PLAUR: variants seen among roughly 807,000 people sequenced by gnomAD.
The protein encoded by PLAUR is plasminogen activator, urokinase receptor, also known as urokinase plasminogen activator surface receptor.
In PLAUR, 22 loss-of-function variants were observed where a neutral mutation model predicts 33.4. The observed-to-expected ratio is 0.66, with a 90% CI of 0.47 to 0.94. The LOEUF is 0.94. Among genes scored for constraint, PLAUR ranks in the 40% least tolerant of loss-of-function variants. The probability of loss-of-function intolerance (pLI) is 0.00; values close to 1 mark genes in which losing one functional copy is unlikely to be tolerated. For missense variants in PLAUR, 408 were observed against 434.7 expected (o/e 0.94, Z 0.55); for synonymous variants, 148 against 167.3 (o/e 0.88, Z 0.89).
chr19:43,665,486 C>T (rs1355153305), intron 2 of PLAUR, 27 bp from the exon 3 acceptor site: 3 of 1,611,160 alleles, frequency 1.9e-6, no homozygotes, highest in African/African-American at 1.3e-5. Flanking sequence ...TTCATTACCC[C>T]AGAGGCTCCT....
At position 43,659,167 on chromosome 19, in the gene PLAUR, C is replaced by CTTTTTTTTTTTTTTT. The variant is rs3052823; in HGVS notation, c.311-2542_311-2528dup. 2.3e-4 allele frequency among the ~76,000 whole-genome samples: 22 copies of CTTTTTTTTTTTTTTT among 97,132 alleles called. 3 individuals are homozygous for CTTTTTTTTTTTTTTT. The highest frequency in any genetic ancestry group is 3.6e-4 in the African/African-American group (9 of 25,018). 63.7% of individuals were successfully genotyped at this position (97,132 alleles called of 152,430 possible). ...GCTATTTTCCTTTTTCTTTTCTTTTCTTTTTTTTTTTTTTTGAGATAGGGT... is the reference window on the plus strand; with the variant it reads ...GCTATTTTCCTTTTTCTTTTCTTTTCTTTTTTTTTTTTTTTTTTTTTTTTTTTTTTGAGATAGGGT... On this transcript the variant is annotated intron_variant, in intron 3 of 6. Transcript: ENST00000340093.
chr19:43,647,671 T>G (rs577968297), downstream of PLAUR, among the ~76,000 whole-genome samples: 4 of 152,120 alleles, frequency 2.6e-5, no homozygotes, highest in South Asian at 8.3e-4. Flanking sequence ...CCGGGTGTGG[T>G]GGTGCATGCC....
At chr19:43,666,057 G>A (rs112784250) in intron 2 of PLAUR, among the ~76,000 whole-genome samples, 15 of 151,198 alleles carry the variant, frequency 9.9e-5, no homozygotes, top group African/African-American at 3.6e-4. Context: ...GTACTGAGAT[G>A]CCTCAAATGT....
chr19:43,665,388 G>A lies in PLAUR; in HGVS notation c.238C>T (p.Arg80Trp), dbSNP rs752525518. 5.5e-5 allele frequency: 88 copies of A among 1,613,544 alleles called. No individual in the cohort carries two copies. Among genetic ancestry groups the A allele is most frequent in the Non-Finnish European group, 6.9e-5 (82 of 1,179,900 alleles). ...AGGCTGGTGATCTTCAAGCCAGTCC[G>A]ATAGCTCAGGGTCCTGTTGGTCTTC... ...SEKTNRTLSY[R>W]TGLKITSLTE... Residue 80 changes from arginine to tryptophan, a missense_variant, in exon 3 of 7, where the codon CGG becomes TGG. Physicochemically the swap from Arg to Trp is moderately radical, Grantham distance 101. Coordinates refer to ENST00000340093, the MANE Select transcript of PLAUR (RefSeq NM_002659.4).
chr19:43,649,111 A>G lies in PLAUR; in HGVS notation c.787T>C (p.Cys263Arg). ...TGTTGGCACATTGAGGCGGTTGCAC[A>G]GCCTCTTACCATATAGCTTTGGTTT... The part of the protein sequence containing the change: ...PKNQSYMVRG[C>R]ATASMCQHAH... The change falls in exon 7 of 7, where the codon TGT (cysteine) becomes CGT (arginine). Residue 263 changes from cysteine to arginine, a missense_variant. Physicochemically the swap from Cys to Arg is radical, Grantham distance 180 (BLOSUM62 -3). Transcript: ENST00000340093. 1 of 1,613,688 alleles carries G rather than the reference A, an allele frequency of 6.2e-7. No homozygotes were observed. Among genetic ancestry groups the G allele is most frequent in the Non-Finnish European group, 8.5e-7 (1 of 1,179,566 alleles).
intron 1 of PLAUR, among the ~76,000 whole-genome samples, chr19:43,668,630 C>T (rs1270168758): frequency 2.0e-5 from 3 of 149,726 alleles, no homozygotes; most frequent in African/African-American, 7.4e-5. Flanking sequence ...AGGTCCTAGC[C>T]CAGCCCCGTA....
intron 1 of PLAUR, chr19:43,668,391 T>C (rs1309829074): frequency 1.2e-6 from 1 of 803,060 alleles, no homozygotes; most frequent in Non-Finnish European, 1.5e-6. Context: ...CCTGACCTTA[T>C]CTTCCCGCCC....
downstream of PLAUR, among the ~76,000 whole-genome samples, chr19:43,647,991 G>A (rs1432823862): frequency 6.6e-6 from 1 of 150,932 alleles, no homozygotes; most frequent in Non-Finnish European, 1.5e-5. Flanking sequence ...TTGGAAGGGG[G>A]TGCTTATCTA....
chr19:43,657,791 T>G (rs1312448848), intron 3 of PLAUR, among the ~76,000 whole-genome samples: 2 of 152,232 alleles, frequency 1.3e-5, no homozygotes, highest in Non-Finnish European at 2.9e-5. Flanking sequence ...ATTCAATGCA[T>G]ATTTGTTAAA....
chr19:43,665,331 T>C lies in PLAUR; in HGVS notation c.295A>G (p.Asn99Asp), dbSNP rs1967181539. 6.2e-7 allele frequency: 1 copy of C among 1,613,886 alleles called. No homozygotes were observed. The highest frequency in any genetic ancestry group is 1.7e-5 in the Admixed American group (1 of 59,974). Residue 99 changes from asparagine to aspartate, a missense_variant, in exon 3 of 7, where the codon AAC (asparagine) becomes GAC (aspartate). By Grantham distance (23) the Asn-to-Asp change is conservative. Coordinates refer to ENST00000340093, the MANE Select transcript of PLAUR (RefSeq NM_002659.4). ...CCCTACTCACCAGAGTTGCCCTGGT[T>C]GCACAAGTCTAACCCACACACAACC... is the stretch of plus-strand genomic sequence containing the variant. ...TEVVCGLDLC[N>D]QGNSGRAVTY...
intron 2 of PLAUR, among the ~76,000 whole-genome samples, 199 bp from the exon 3 acceptor site, chr19:43,665,658 CAATT>C (rs1216439661): frequency 3.7e-5 from 1 of 27,058 alleles, no homozygotes; most frequent in Non-Finnish European, 8.5e-5. Flanking sequence ...TATTTTATTT[CAATT>C]AATTAATTAA....
intron 2 of PLAUR, among the ~76,000 whole-genome samples, chr19:43,665,771 G>C (rs1183579549): frequency 1.9e-5 from 1 of 51,808 alleles, no homozygotes; most frequent in Non-Finnish European, 4.2e-5. Context: ...GGCTCAAGCA[G>C]TCCTGCTTCG....
chr19:43,667,644 G>C lies in PLAUR; in HGVS notation c.103C>G (p.Arg35Gly). The C allele has an allele frequency of 1.2e-6, 2 of 1,613,966 alleles. No individual in the cohort carries two copies. The highest frequency in any genetic ancestry group is 1.7e-6 in the Non-Finnish European group (2 of 1,180,002). The change falls in exon 2 of 7, where the codon CGT (arginine) becomes GGT (glycine). Residue 35 changes from arginine to glycine, a missense_variant. By Grantham distance (125) the Arg-to-Gly change is moderately radical (BLOSUM62 -2). Coordinates refer to ENST00000340093, the MANE Select transcript of PLAUR (RefSeq NM_002659.4). Reference sequence around the variant, plus strand: ...TGTCCCAGGGCGCACTCTTCCACACGGCAATCCCCGTTGGTCTTACACTGC... The same window carrying C: ...TGTCCCAGGGCGCACTCTTCCACACCGCAATCCCCGTTGGTCTTACACTGC... Reference protein sequence around the residue: ...CMQCKTNGDCRVEECALGQDL... With the variant: ...CMQCKTNGDCGVEECALGQDL...
rs546374331 is a variant in PLAUR, at chr19:43,665,355, C to G, written c.271G>C (p.Val91Leu). ...TTGCACAAGTCTAACCCACACACAA[C>G]CTCGGTAAGGCTGGTGATCTTCAAG... is the stretch of plus-strand genomic sequence containing the variant. ...TGLKITSLTEVVCGLDLCNQG... is the reference protein window; with the variant it reads ...TGLKITSLTELVCGLDLCNQG... Residue 91 changes from valine to leucine, a missense_variant, in exon 3 of 7, where the codon GTT becomes CTT. Physicochemically the swap from Val to Leu is conservative, Grantham distance 32 (BLOSUM62 1). Transcript: ENST00000340093. The G allele has an allele frequency of 8.7e-6, 14 of 1,613,976 alleles. No individual in the cohort carries two copies. In the South Asian group the frequency reaches 1.4e-4, roughly 16 times the overall value.
At chr19:43,664,477 T>C (rs1967140923) in intron 3 of PLAUR, among the ~76,000 whole-genome samples, 1 of 152,240 alleles carries the variant, frequency 6.6e-6, no homozygotes, top group Non-Finnish European at 1.5e-5. Flanking sequence ...GATCAGAGCC[T>C]GAAGCCATGA....
chr19:43,666,218 G>A (rs1369535077), intron 2 of PLAUR, among the ~76,000 whole-genome samples: 2 of 152,054 alleles, frequency 1.3e-5, no homozygotes, highest in Non-Finnish European at 1.5e-5. Flanking sequence ...GTGAGCTACT[G>A]TGCTTGGCTT....
In PLAUR at chr19:43,652,433, G is replaced by C. The variant is rs1974035386; in HGVS notation, c.608-62C>G. ...TTAGTGCTTGGATCTCCACTTCCTT[G>C]AATGACCTCCCCAGGACTTCCACTC... On this transcript the variant is annotated intron_variant, in intron 5 of 6. Coordinates refer to ENST00000340093, the MANE Select transcript of PLAUR (RefSeq NM_002659.4). The C allele has an allele frequency of 2.0e-6, 3 of 1,516,640 alleles. No homozygotes were observed. In the African/African-American group the frequency reaches 4.1e-5, roughly 21 times the overall value. 93.9% of individuals were successfully genotyped at this position (1,516,640 alleles called of 1,614,324 possible). A position where few individuals can be genotyped will look rare whatever the true frequency, so the allele number is the denominator to read the frequency against.
intron 5 of PLAUR, among the ~76,000 whole-genome samples, chr19:43,655,014 G>C (rs947077712): frequency 6.6e-6 from 1 of 152,110 alleles, no homozygotes; most frequent in South Asian, 2.1e-4. Flanking sequence ...AGTGGCTCAT[G>C]CCTGTTACCC....
At chr19:43,648,562 G>T, downstream of PLAUR, 1 of 1,009,816 alleles carries the variant, frequency 9.9e-7, no homozygotes, top group Middle Eastern at 4.9e-4. Context: ...CTACAAAGAA[G>T]GGCATACCTG....
Sources: gnomAD v4.1 joint callset for allele counts (sites outside exome capture counted in the v4.1 genomes callset) on GRCh38, gnomAD v4.1.1 for gene constraint, MANE v1.5 for transcripts, NCBI Gene and HGNC (gene_info 2026-07-23, HGNC 2026-07-21) for gene names.